CSMD1: variants seen among roughly 807,000 people sequenced by gnomAD.
CSMD1 encodes CUB and sushi domain-containing protein 1.
Under a neutral mutation model 417.5 loss-of-function variants are expected in CSMD1, and 213 were observed. The ratio of observed to expected loss-of-function variants is 0.51; its 90% CI spans 0.46 to 0.57. CSMD1 has a LOEUF of 0.57. Among genes scored for constraint, CSMD1 ranks in the 20% least tolerant of loss-of-function variants. CSMD1 has a pLI of 0.00. For missense variants in CSMD1, 6,923 were observed against 4,529.7 expected, an observed-to-expected ratio of 1.53 and a Z score of -15.17; for synonymous variants, 2,862 against 1,736.8, an observed-to-expected ratio of 1.65 and a Z score of -16.11.
At chr8:4,163,507 A>G (rs1797284268) in intron 3 of CSMD1, among the ~76,000 whole-genome samples, 1 of 152,190 alleles carries the variant, frequency 6.6e-6, no homozygotes, top group Non-Finnish European at 1.5e-5. Flanking sequence ...CACAGTACAG[A>G]CATTGTTTTG....
At chr8:4,372,106 A>G (rs777437199) in intron 3 of CSMD1, among the ~76,000 whole-genome samples, 58 of 152,250 alleles carry the variant, frequency 3.8e-4, no homozygotes, top group Non-Finnish European at 5.4e-4. Flanking sequence ...ATCTCAGTGC[A>G]AAGTCCATTT....
At chr8:4,600,154 G>C (rs1800506857) in intron 2 of CSMD1, among the ~76,000 whole-genome samples, 1 of 152,162 alleles carries the variant, frequency 6.6e-6, no homozygotes, top group Non-Finnish European at 1.5e-5. Flanking sequence ...GGGCCATGTA[G>C]CTGAGCTGTG....
intron 26 of CSMD1, among the ~76,000 whole-genome samples, chr8:3,273,615 T>A: frequency 6.6e-6 from 1 of 152,192 alleles, no homozygotes; most frequent in East Asian, 1.9e-4. Flanking sequence ...TCAGCTCCTG[T>A]TTTTGGTCTA....
At chr8:4,847,035 A>C (rs1319014002) in intron 1 of CSMD1, among the ~76,000 whole-genome samples, 3 of 152,126 alleles carry the variant, frequency 2.0e-5, no homozygotes, top group African/African-American at 7.2e-5. Context: ...TGTTTTTAAA[A>C]AGCATTCTTG....
chr8:3,750,659 C>T (rs144643481), intron 6 of CSMD1, among the ~76,000 whole-genome samples: 81 of 152,190 alleles, frequency 5.3e-4, no homozygotes, highest in African/African-American at 9.9e-4. Context: ...AAATGTTTTC[C>T]CTGCTTGACA....
intron 5 of CSMD1, among the ~76,000 whole-genome samples, chr8:3,861,443 G>C (rs1563153960): frequency 1.3e-5 from 2 of 152,192 alleles, no homozygotes; most frequent in South Asian, 4.1e-4. Flanking sequence ...GGGGTACTAT[G>C]AATGAACAAC....
intron 2 of CSMD1, among the ~76,000 whole-genome samples, chr8:4,574,177 A>AT: frequency 6.6e-6 from 1 of 151,478 alleles, no homozygotes; most frequent in Non-Finnish European, 1.5e-5. Context: ...GTCCAAAAAA[A>AT]ACCTCTTGCA....
At chr8:4,644,350 C>T (rs1236798467) in intron 1 of CSMD1, among the ~76,000 whole-genome samples, 1 of 152,142 alleles carries the variant, frequency 6.6e-6, no homozygotes, top group East Asian at 1.9e-4. Context: ...ATGCAGTATA[C>T]TCTTTCCAGA....
chr8:3,814,057 A>C (rs573403435), intron 5 of CSMD1, among the ~76,000 whole-genome samples: 101 of 152,348 alleles, frequency 6.6e-4, no homozygotes, highest in Admixed American at 1.6e-3. Flanking sequence ...GATGCTTATT[A>C]TTCTGCAAAA....
At chr8:3,475,904 T>C (rs1360964635) in intron 11 of CSMD1, among the ~76,000 whole-genome samples, 1 of 152,260 alleles carries the variant, frequency 6.6e-6, no homozygotes, top group Non-Finnish European at 1.5e-5. Context: ...GAAAGCTTAA[T>C]GACAACCATA....
At chr8:4,424,228 G>C (rs749672659) in intron 2 of CSMD1, among the ~76,000 whole-genome samples, 5 of 151,954 alleles carry the variant, frequency 3.3e-5, no homozygotes, top group African/African-American at 1.2e-4. Flanking sequence ...GGCTGCAAAA[G>C]ACCGCATTAA....
chr8:4,725,319 G>A (rs751516050), intron 1 of CSMD1, among the ~76,000 whole-genome samples: 10 of 152,082 alleles, frequency 6.6e-5, no homozygotes, highest in Non-Finnish European at 1.3e-4. Flanking sequence ...TTCCTAATTA[G>A]CATTATCAGC....
intron 5 of CSMD1, among the ~76,000 whole-genome samples, chr8:3,891,613 G>A (rs1456785060): frequency 6.6e-6 from 1 of 151,976 alleles, no homozygotes; most frequent in Non-Finnish European, 1.5e-5. Context: ...AGCCCAGGAG[G>A]TCCAGGCTTC....
chr8:4,756,463 G>A (rs1042388986), intron 1 of CSMD1, among the ~76,000 whole-genome samples: 1 of 152,050 alleles, frequency 6.6e-6, no homozygotes, highest in Admixed American at 6.5e-5. Context: ...AGTTAATTTG[G>A]GGAGGAAATA....
At chr8:4,266,296 G>A (rs552331978) in intron 3 of CSMD1, among the ~76,000 whole-genome samples, 1 of 104,850 alleles carries the variant, frequency 9.5e-6, no homozygotes, top group East Asian at 2.5e-4. Flanking sequence ...TGTTTTCTAT[G>A]TAAGAGAAAC....
intron 8 of CSMD1, among the ~76,000 whole-genome samples, chr8:3,592,670 ACATCCGTGTGTGTG>A (rs1800903248): frequency 7.8e-6 from 1 of 128,342 alleles, no homozygotes; most frequent in African/African-American, 4.7e-5. Context: ...GTGTGTGTGC[ACATCCGTGTGTGTG>A]TGCACATCCG....
At chr8:3,778,297 G>C (rs1799001559) in intron 5 of CSMD1, among the ~76,000 whole-genome samples, 1 of 152,174 alleles carries the variant, frequency 6.6e-6, no homozygotes, top group Non-Finnish European at 1.5e-5. Context: ...CCATTTAAAA[G>C]GGTATCTTTC....
intron 2 of CSMD1, among the ~76,000 whole-genome samples, chr8:4,576,245 T>C (rs1458917924): frequency 6.6e-6 from 1 of 152,220 alleles, no homozygotes; most frequent in Admixed American, 6.5e-5. Flanking sequence ...CAGGCACCCT[T>C]CTAGTTCCTC....
At chr8:3,038,160 G>C (rs1039047795) in intron 50 of CSMD1, among the ~76,000 whole-genome samples, 2 of 152,140 alleles carry the variant, frequency 1.3e-5, no homozygotes, top group African/African-American at 4.8e-5. Flanking sequence ...GTAGCCTAAA[G>C]GCAAACCAGC....
Sources: allele counts gnomAD v4.1 joint callset (sites outside exome capture counted in the v4.1 genomes callset), GRCh38; gene constraint gnomAD v4.1.1; transcripts MANE v1.5; gene names NCBI Gene and HGNC (gene_info 2026-07-23, HGNC 2026-07-21).